The following CHODL variants were observed in gnomAD, a reference collection of about 807,000 sequenced individuals.
CHODL encodes the protein chondrolectin.
A neutral mutation model predicts 34.5 loss-of-function variants in CHODL; 29 were observed. The ratio of observed to expected loss-of-function variants is 0.84; its 90% CI spans 0.63 to 1.15. The LOEUF (loss-of-function observed/expected upper bound fraction) is 1.15. Ranked by LOEUF, CHODL falls within the 50% of genes most tolerant of loss-of-function variation. CHODL has a pLI of 0.00. For missense variants in CHODL, 332 were observed against 332.5 expected (o/e 1.00, Z 0.01); for synonymous variants, 125 against 116.1 (o/e 1.08, Z -0.49).
At chr21:18,169,540 G>A (rs866765615) in intron 2 of CHODL, among the ~76,000 whole-genome samples, 9 of 151,370 alleles carry the variant, frequency 5.9e-5, no homozygotes, top group African/African-American at 4.8e-5. Context: ...GTCAGTCTTT[G>A]GAACCACATG....
chr21:18,078,812 C>T lies in CHODL; in HGVS notation c.-45+50841C>T, dbSNP rs7281686. On this transcript the variant is annotated intron_variant, in intron 2 of 6. Coordinates refer to the CHODL transcript ENST00000400127. ...GTTGTCTCATTTAGTTCTCAAAGAG[C>T]TTTATGAGCTAGGTAATATTTTCCA... is the stretch of plus-strand genomic sequence containing the variant. 5.3e-3 allele frequency among the ~76,000 whole-genome samples: 806 copies of T among 152,166 alleles called. 7 individuals are homozygous for T. Among genetic ancestry groups the T allele is most frequent in the African/African-American group, 0.018 (761 of 41,534 alleles).
At chr21:17,929,724 T>TG (rs1330067219) in intron 1 of CHODL, among the ~76,000 whole-genome samples, 1 of 152,216 alleles carries the variant, frequency 6.6e-6, no homozygotes, top group Non-Finnish European at 1.5e-5. Flanking sequence ...GCCCGGAGAT[T>TG]GCGCAGAGGC....
At chr21:18,062,786 A>T (rs1389777173) in intron 2 of CHODL, among the ~76,000 whole-genome samples, 2 of 152,004 alleles carry the variant, frequency 1.3e-5, no homozygotes, top group African/African-American at 4.8e-5. Context: ...AAGTGTGGAG[A>T]TTACAGACAT....
chr21:17,917,876 C>A (rs908410858), intron 1 of CHODL, among the ~76,000 whole-genome samples: 16 of 150,824 alleles, frequency 1.1e-4, no homozygotes, highest in African/African-American at 3.9e-4. Context: ...CTCTGATATG[C>A]GTGTGTGTGT....
intron 2 of CHODL, among the ~76,000 whole-genome samples, chr21:18,103,844 G>C (rs1254082013): frequency 6.6e-6 from 1 of 152,102 alleles, no homozygotes; most frequent in Non-Finnish European, 1.5e-5. Flanking sequence ...CATCCTTTCT[G>C]TCACATTCTT....
Position 17,945,384 on chromosome 21 carries a change from A to T in CHODL, c.-145+27984A>T, listed in dbSNP as rs2824574. ...TTTGGAAAATAATACCCAAAAAGTG[A>T]GAATATTGACAAGAAAATAGAAACA... On this transcript the variant is annotated intron_variant, in intron 1 of 6. Coordinates refer to the CHODL transcript ENST00000400127. 4.0e-5 allele frequency among the ~76,000 whole-genome samples: 6 copies of T among 151,866 alleles called. No individual in the cohort carries two copies. The South Asian group carries it at 1.0e-3, about 26-fold the overall frequency.
intron 2 of CHODL, among the ~76,000 whole-genome samples, chr21:18,134,990 T>C (rs999382280): frequency 1.3e-5 from 2 of 152,252 alleles, no homozygotes; most frequent in African/African-American, 4.8e-5. Flanking sequence ...ACTTTGATCT[T>C]GCTCATTGGG....
intron 2 of CHODL, among the ~76,000 whole-genome samples, chr21:18,103,918 T>C (rs1218139368): frequency 6.6e-6 from 1 of 152,186 alleles, no homozygotes; most frequent in African/African-American, 2.4e-5. Context: ...CCTCACCTCT[T>C]AATCTATCAC....
At chr21:18,008,774 G>A (rs1568842145) in intron 1 of CHODL, among the ~76,000 whole-genome samples, 1 of 152,020 alleles carries the variant, frequency 6.6e-6, no homozygotes, top group African/African-American at 2.4e-5. Flanking sequence ...GTAATGATAG[G>A]GACAGACAAA....
At chr21:18,235,629 A>G (rs1219354278) in intron 2 of CHODL, among the ~76,000 whole-genome samples, 1 of 152,122 alleles carries the variant, frequency 6.6e-6, no homozygotes, top group Non-Finnish European at 1.5e-5. Context: ...AATTTCTTAT[A>G]AAATAGAAGA....
At chr21:18,222,368 G>C (rs1257609873) in intron 2 of CHODL, among the ~76,000 whole-genome samples, 1 of 152,148 alleles carries the variant, frequency 6.6e-6, no homozygotes, top group Non-Finnish European at 1.5e-5. Flanking sequence ...TGGCTTCAGG[G>C]CAGGATGTAG....
At chr21:17,999,564 A>G (rs1202666992) in intron 1 of CHODL, among the ~76,000 whole-genome samples, 1 of 152,222 alleles carries the variant, frequency 6.6e-6, no homozygotes, top group African/African-American at 2.4e-5. Flanking sequence ...GATGCCTCAC[A>G]ATCATGGTGG....
At chr21:18,027,108 T>C (rs959208333) in intron 1 of CHODL, among the ~76,000 whole-genome samples, 1 of 25,530 alleles carries the variant, frequency 3.9e-5, no homozygotes, top group South Asian at 2.6e-3. Flanking sequence ...GAGACCCCTA[T>C]TACTATGAAA....
intron 5 of CHODL, among the ~76,000 whole-genome samples, chr21:18,263,824 A>C (rs1568964987): frequency 6.6e-6 from 1 of 152,008 alleles, no homozygotes; most frequent in Non-Finnish European, 1.5e-5. Context: ...CCTACCATTA[A>C]GCAACAAAAG....
intron 2 of CHODL, among the ~76,000 whole-genome samples, chr21:18,130,316 GTAT>G (rs1285846987): frequency 3.3e-5 from 5 of 152,240 alleles, no homozygotes; most frequent in Middle Eastern, 3.4e-3. Flanking sequence ...TGAATGTTAG[GTAT>G]TATTATTATT....
At chr21:18,107,101 T>G (rs778823606) in intron 2 of CHODL, among the ~76,000 whole-genome samples, 1 of 152,206 alleles carries the variant, frequency 6.6e-6, no homozygotes, top group Non-Finnish European at 1.5e-5. Context: ...GCAATGCCAT[T>G]TTCAGACTTG....
intron 2 of CHODL, among the ~76,000 whole-genome samples, chr21:18,089,796 ATT>A (rs1403309460): frequency 1.3e-5 from 2 of 152,224 alleles, no homozygotes; most frequent in African/African-American, 4.8e-5. Context: ...GAAACAGGAT[ATT>A]TCAACACACT....
At chr21:18,071,455 CT>C (rs1040662837) in intron 2 of CHODL, among the ~76,000 whole-genome samples, 105 of 152,118 alleles carry the variant, frequency 6.9e-4, no homozygotes, top group African/African-American at 2.5e-3. Context: ...AGCTACAGCT[CT>C]TTCAGTTGGT....
At chr21:18,074,734 T>A (rs2064844927) in intron 2 of CHODL, among the ~76,000 whole-genome samples, 1 of 152,156 alleles carries the variant, frequency 6.6e-6, no homozygotes, top group Admixed American at 6.6e-5. Flanking sequence ...GAAAAATTAA[T>A]CCACTCCTGG....
Sources: allele counts gnomAD v4.1 joint callset (sites outside exome capture counted in the v4.1 genomes callset), GRCh38; gene constraint gnomAD v4.1.1; transcripts MANE v1.5; gene names NCBI Gene and HGNC (gene_info 2026-07-23, HGNC 2026-07-21).